Variants in CDH13 observed in about 807,000 individuals in gnomAD.
The protein encoded by CDH13 is cadherin 13.
CDH13 carries 24 observed loss-of-function variants against 63.8 expected under a neutral mutation model. The ratio of observed to expected loss-of-function variants is 0.38; its 90% confidence interval spans 0.27 to 0.53. CDH13 has a LOEUF of 0.53. CDH13 is among the 20% of genes least tolerant of loss of function. CDH13 has a pLI of 0.85. For synonymous variants in CDH13, 503 were observed against 355.3 expected (o/e 1.42, Z -4.67); for missense variants, 1,049 against 903.1 (o/e 1.16, Z -2.07).
intron 1 of CDH13, among the ~76,000 whole-genome samples, chr16:82,681,325 G>C (rs1401011362): frequency 6.6e-6 from 1 of 152,170 alleles, no homozygotes; most frequent in Non-Finnish European, 1.5e-5. Context: ...CAGTAGATTC[G>C]TGATTGCCAG....
intron 1 of CDH13, among the ~76,000 whole-genome samples, chr16:82,681,659 C>A: frequency 6.6e-6 from 1 of 152,242 alleles, no homozygotes; most frequent in East Asian, 1.9e-4. Context: ...CCGTTGCATT[C>A]CCTCACCTTT....
intron 1 of CDH13, among the ~76,000 whole-genome samples, chr16:82,754,915 A>C (rs2034557256): frequency 6.6e-6 from 1 of 152,210 alleles, no homozygotes; most frequent in African/African-American, 2.4e-5. Context: ...AGGTTTCTAT[A>C]ATTGACCTGA....
At chr16:83,443,561 C>T (rs1259551839) in intron 6 of CDH13, among the ~76,000 whole-genome samples, 13 of 151,938 alleles carry the variant, frequency 8.6e-5, no homozygotes, top group Non-Finnish European at 1.2e-4. Flanking sequence ...GTATAAAGCA[C>T]TCTAGTCTTC....
chr16:82,830,665 A>G (rs1227836479), intron 1 of CDH13, among the ~76,000 whole-genome samples: 2 of 152,254 alleles, frequency 1.3e-5, no homozygotes, highest in Non-Finnish European at 2.9e-5. Context: ...TTGACATGCC[A>G]TGATGGCATG....
At chr16:82,856,803 G>A (rs2039721805) in intron 1 of CDH13, among the ~76,000 whole-genome samples, 1 of 151,242 alleles carries the variant, frequency 6.6e-6, no homozygotes, top group South Asian at 2.1e-4. Flanking sequence ...GGCAGGTAAT[G>A]AATGTGAGTT....
chr16:83,394,607 A>G (rs1035170479), intron 6 of CDH13, among the ~76,000 whole-genome samples: 2 of 152,222 alleles, frequency 1.3e-5, no homozygotes, highest in Admixed American at 6.5e-5. Flanking sequence ...TGAGCCGCCA[A>G]GGTTTTGAGC....
chr16:83,565,517 C>T (rs942584379), intron 7 of CDH13, among the ~76,000 whole-genome samples: 29 of 151,556 alleles, frequency 1.9e-4, no homozygotes, highest in African/African-American at 7.0e-4. Flanking sequence ...AATTCATCTC[C>T]TGTTCTCTGC....
chr16:83,536,163 G>T (rs1011624155), intron 7 of CDH13, among the ~76,000 whole-genome samples: 1 of 152,184 alleles, frequency 6.6e-6, no homozygotes, highest in Non-Finnish European at 1.5e-5. Flanking sequence ...TATATACTGT[G>T]AGCCAAAACT....
intron 5 of CDH13, among the ~76,000 whole-genome samples, chr16:83,225,166 T>C (rs1427416431): frequency 6.6e-6 from 1 of 152,162 alleles, no homozygotes; most frequent in Non-Finnish European, 1.5e-5. Context: ...CTCACTGTAG[T>C]TGGAGGAACA....
chr16:83,219,851 G>A (rs1347581835), intron 5 of CDH13, among the ~76,000 whole-genome samples: 2 of 152,188 alleles, frequency 1.3e-5, no homozygotes, highest in Admixed American at 6.5e-5. Context: ...TTGCTTTCAT[G>A]TATCTTTTAT....
intron 1 of CDH13, among the ~76,000 whole-genome samples, chr16:82,795,571 C>T (rs572040201): frequency 7.2e-5 from 11 of 152,254 alleles, no homozygotes; most frequent in South Asian, 4.2e-4. Flanking sequence ...ACTATATTAT[C>T]CCCATTTTAC....
At chr16:83,014,176 A>T (rs1914445131) in intron 2 of CDH13, among the ~76,000 whole-genome samples, 1 of 152,152 alleles carries the variant, frequency 6.6e-6, no homozygotes, top group African/African-American at 2.4e-5. Context: ...CCGATATTAT[A>T]AAACAATCTC....
At chr16:82,811,465 C>G (rs1873021752) in intron 1 of CDH13, among the ~76,000 whole-genome samples, 1 of 152,154 alleles carries the variant, frequency 6.6e-6, no homozygotes, top group African/African-American at 2.4e-5. Flanking sequence ...GATATAATAA[C>G]TTTTTTCCTA....
chr16:83,718,314 C>T (rs375231203), intron 10 of CDH13, among the ~76,000 whole-genome samples: 4 of 152,140 alleles, frequency 2.6e-5, no homozygotes, highest in African/African-American at 7.2e-5. Flanking sequence ...AGTCCTTGAC[C>T]CCAGTCATTG....
intron 2 of CDH13, among the ~76,000 whole-genome samples, chr16:82,973,857 G>A (rs1034857665): frequency 6.6e-6 from 1 of 152,076 alleles, no homozygotes; most frequent in South Asian, 2.1e-4. Context: ...CTGTTTCATT[G>A]ATGTAAATGA....
chr16:83,769,452 T>C (rs1914616367), intron 11 of CDH13, among the ~76,000 whole-genome samples: 1 of 152,158 alleles, frequency 6.6e-6, no homozygotes, highest in South Asian at 2.1e-4. Flanking sequence ...AAAGTGAATT[T>C]ATTTTTGAAG....
intron 3 of CDH13, among the ~76,000 whole-genome samples, chr16:83,048,825 C>A (rs1597221069): frequency 6.6e-6 from 1 of 152,136 alleles, no homozygotes; most frequent in South Asian, 2.1e-4. Flanking sequence ...CAAACGTGGT[C>A]AAATCTTCCC....
intron 8 of CDH13, among the ~76,000 whole-genome samples, chr16:83,657,063 T>G (rs538996176): frequency 6.6e-6 from 1 of 152,308 alleles, no homozygotes; most frequent in African/African-American, 2.4e-5. Flanking sequence ...TCTTCCATAT[T>G]CTTAGGAAAG....
At chr16:83,505,668 G>A (rs144889541) in intron 7 of CDH13, among the ~76,000 whole-genome samples, 3,677 of 150,910 alleles carry the variant, frequency 0.024, 152 homozygotes, top group African/African-American at 0.084. Context: ...CTCAGCCTCC[G>A]GAGTAGCTGG....
Sources: allele counts gnomAD v4.1 joint callset (sites outside exome capture counted in the v4.1 genomes callset), GRCh38; gene constraint gnomAD v4.1.1; transcripts MANE v1.5; gene names NCBI Gene and HGNC (gene_info 2026-07-23, HGNC 2026-07-21).